PDE7A: variants seen among roughly 807,000 people sequenced by gnomAD.
PDE7A encodes the protein phosphodiesterase 7A.
A neutral mutation model predicts 64.3 loss-of-function variants in PDE7A; 39 were observed. The ratio of observed to expected loss-of-function variants is 0.61; its 90% CI spans 0.47 to 0.79. The LOEUF (loss-of-function observed/expected upper bound fraction) is 0.79. PDE7A is among the 30% of genes least tolerant of loss of function. PDE7A has a pLI of 0.00. For synonymous variants in PDE7A, 203 were observed against 206.8 expected (o/e 0.98, Z 0.16); for missense variants, 470 against 582.8 (o/e 0.81, Z 1.99).
At chr8:65,825,438 G>C (rs1810647108) in intron 1 of PDE7A, among the ~76,000 whole-genome samples, 1 of 152,136 alleles carries the variant, frequency 6.6e-6, no homozygotes, top group African/African-American at 2.4e-5. Flanking sequence ...CATAGCAGAG[G>C]AGCTTTAGTT....
intron 7 of PDE7A, among the ~76,000 whole-genome samples, chr8:65,730,543 C>T (rs945420205): frequency 2.0e-5 from 3 of 152,028 alleles, no homozygotes; most frequent in East Asian, 1.9e-4. Flanking sequence ...ATCCTGAAAC[C>T]ATCCCCCTCC....
At chr8:65,783,353 T>C (rs1041039680) in intron 1 of PDE7A, among the ~76,000 whole-genome samples, 1 of 152,158 alleles carries the variant, frequency 6.6e-6, no homozygotes, top group Non-Finnish European at 1.5e-5. Context: ...TCGAGAGTCA[T>C]CTGTGACCTG....
At chr8:65,832,728 C>A (rs890070060) in intron 1 of PDE7A, among the ~76,000 whole-genome samples, 8 of 152,110 alleles carry the variant, frequency 5.3e-5, no homozygotes, top group African/African-American at 1.9e-4. Flanking sequence ...ATTCAAGCAA[C>A]CCTCCCACCT....
chr8:65,829,941 A>G lies in PDE7A; in HGVS notation c.138+11430T>C, dbSNP rs6980746. Among the ~76,000 whole-genome samples, 893 of 152,290 alleles carry G rather than the reference A, an allele frequency of 5.9e-3. 9 individuals carry two copies. The highest frequency in any genetic ancestry group is 0.02 in the African/African-American group (842 of 41,566). ...TTGGGTCATGTATACCCCTGGAAGC[A>G]TATCAGCATGGAGAGTAAAGAGAAT... On this transcript the variant is annotated intron_variant, in intron 1 of 12. Coordinates refer to ENST00000401827, the MANE Select transcript of PDE7A (RefSeq NM_001242318.3).
chr8:65,785,479 C>T (rs1024884540), intron 1 of PDE7A, among the ~76,000 whole-genome samples: 1 of 152,002 alleles, frequency 6.6e-6, no homozygotes, highest in Non-Finnish European at 1.5e-5. Context: ...CTAAGGAAGC[C>T]TCCTGCAGTG....
intron 3 of PDE7A, among the ~76,000 whole-genome samples, chr8:65,776,545 T>A (rs1266218530): frequency 6.6e-6 from 1 of 152,196 alleles, no homozygotes; most frequent in African/African-American, 2.4e-5. Context: ...AATAACAGTA[T>A]ATATATTTCT....
intron 1 of PDE7A, among the ~76,000 whole-genome samples, chr8:65,815,932 A>G (rs1326836966): frequency 3.9e-5 from 6 of 152,246 alleles, no homozygotes; most frequent in Non-Finnish European, 2.9e-5. Flanking sequence ...GCAACACACT[A>G]TAACAAATTC....
At chr8:65,788,710 A>C (rs1235130153) in intron 1 of PDE7A, among the ~76,000 whole-genome samples, 2 of 152,228 alleles carry the variant, frequency 1.3e-5, no homozygotes, top group East Asian at 3.8e-4. Context: ...GGATAAGAAC[A>C]AAAACTACAA....
chr8:65,721,382 G>T (rs936074277), intron 12 of PDE7A, among the ~76,000 whole-genome samples: 2 of 152,180 alleles, frequency 1.3e-5, no homozygotes, highest in Non-Finnish European at 2.9e-5. Flanking sequence ...TGCTTGGTGA[G>T]TTGTTAAGAG....
At position 65,715,003 on chromosome 8, in the gene PDE7A, A is replaced by C. The variant is rs949028055; in HGVS notation, c.*4287T>G. 1.3e-5 allele frequency among the ~76,000 whole-genome samples: 2 copies of C among 152,118 alleles called. No individual in the cohort carries two copies. Among genetic ancestry groups the C allele is most frequent in the African/African-American group, 4.8e-5 (2 of 41,420 alleles). On this transcript the variant is annotated 3_prime_UTR_variant, in exon 13 of 13. Transcript: ENST00000401827. ...TTTTTTAAAGTTAGGACTTGTCAAA[A>C]TTTTCTCTCCAAGGACCTTTTACTC... is the stretch of plus-strand genomic sequence containing the variant.
intron 3 of PDE7A, among the ~76,000 whole-genome samples, chr8:65,765,149 GC>G (rs1259769974): frequency 6.6e-6 from 1 of 152,190 alleles, no homozygotes; most frequent in African/African-American, 2.4e-5. Context: ...TCCCCCTGCT[GC>G]CCTAGCATGG....
chr8:65,832,948 T>TA (rs1156834298), intron 1 of PDE7A, among the ~76,000 whole-genome samples: 1 of 152,224 alleles, frequency 6.6e-6, no homozygotes, highest in East Asian at 1.9e-4. Context: ...ACACAGGCTT[T>TA]AGAGTCAGCA....
At chr8:65,721,647 A>G (rs962568704) in intron 12 of PDE7A, among the ~76,000 whole-genome samples, 1 of 152,184 alleles carries the variant, frequency 6.6e-6, no homozygotes, top group African/African-American at 2.4e-5. Context: ...AGCTTCTGTT[A>G]CCTTATAAAA....
In PDE7A at chr8:65,799,637, G is replaced by A. The variant is rs543081786; in HGVS notation, c.139-16794C>T. Among the ~76,000 whole-genome samples, 28 of 152,308 alleles carry A rather than the reference G, an allele frequency of 1.8e-4. No individual in the cohort carries two copies. The South Asian group carries it at 5.4e-3, about 29-fold the overall frequency. ...AGGTTGATTTGCTTTAATGTTAGGA[G>A]AGGTTAAGTGTCTGGATACTAAGGA... On this transcript the variant is annotated intron_variant, in intron 1 of 12. Coordinates refer to ENST00000401827, the MANE Select transcript of PDE7A (RefSeq NM_001242318.3).
rs1585928324 is a variant in PDE7A at position 65,800,577 on chromosome 8, G to A, written c.139-17734C>T. 1.3e-5 allele frequency among the ~76,000 whole-genome samples: 2 copies of A among 152,266 alleles called. 1 individual carries two copies. The highest frequency in any genetic ancestry group is 4.1e-4 in the South Asian group (2 of 4,828). On this transcript the variant is annotated intron_variant, in intron 1 of 12. Transcript: ENST00000401827. Reference sequence around the variant, plus strand: ...GCCTGTCCTCCCTGCTTAGCACTCTGCAGTAAACACCTATTGCTGTGTTCC... The same window carrying A: ...GCCTGTCCTCCCTGCTTAGCACTCTACAGTAAACACCTATTGCTGTGTTCC...
intron 1 of PDE7A, among the ~76,000 whole-genome samples, chr8:65,835,628 A>G (rs1470093615): frequency 6.6e-6 from 1 of 152,224 alleles, no homozygotes; most frequent in Non-Finnish European, 1.5e-5. Context: ...AGAAGAGAAG[A>G]GTTGAAAATT....
At chr8:65,763,185 A>G (rs1184481236) in intron 3 of PDE7A, among the ~76,000 whole-genome samples, 1 of 152,232 alleles carries the variant, frequency 6.6e-6, no homozygotes, top group Non-Finnish European at 1.5e-5. Context: ...TGTTATACAT[A>G]TAACATTGAT....
In PDE7A at chr8:65,842,007, TC is replaced by T; in HGVS notation, c.-500del. Reference sequence around the variant, plus strand: ...GCCGCCGCCGCCGGAGTCCTGCTCCTCCCCTCCCCCGGAGCCTGACTTCACT... The same window carrying T: ...GCCGCCGCCGCCGGAGTCCTGCTCCTCCCTCCCCCGGAGCCTGACTTCACT... On this transcript the variant is annotated 5_prime_UTR_variant, in exon 1 of 13. Coordinates refer to ENST00000401827, the MANE Select transcript of PDE7A (RefSeq NM_001242318.3). 1 of 238,530 alleles carries T rather than the reference TC, an allele frequency of 4.2e-6. No individual in the cohort carries two copies. The highest frequency in any genetic ancestry group is 7.9e-6 in the Non-Finnish European group (1 of 126,424). The allele number at this position is 238,530 out of a possible 1,614,324, so 14.8% of individuals were successfully genotyped here.
intron 7 of PDE7A, chr8:65,728,697 G>T (rs1437928730): frequency 6.6e-6 from 1 of 152,152 alleles, no homozygotes; most frequent in Non-Finnish European, 1.5e-5. Flanking sequence ...GAATGGGCAT[G>T]GGTGTCTATG....
Sources: allele counts gnomAD v4.1 joint callset (sites outside exome capture counted in the v4.1 genomes callset), GRCh38; gene constraint gnomAD v4.1.1; transcripts MANE v1.5; gene names NCBI Gene and HGNC (gene_info 2026-07-23, HGNC 2026-07-21).